NALCN: variants seen among roughly 807,000 people sequenced by gnomAD.
NALCN encodes the protein sodium leak channel, non-selective.
A neutral mutation model predicts 225.3 loss-of-function variants in NALCN; 111 were observed. The observed-to-expected ratio is 0.49, with a 90% CI of 0.42 to 0.58. NALCN has a LOEUF of 0.58. Among genes scored for constraint, NALCN ranks in the 20% least tolerant of loss-of-function variants. NALCN has a pLI of 0.00. For missense variants in NALCN, 1,378 were observed against 2,202.4 expected, an observed-to-expected ratio of 0.63 and a Z score of 7.49; for synonymous variants, 764 against 769.0, an observed-to-expected ratio of 0.99 and a Z score of 0.11.
chr13:101,058,534 A>G (rs2031542416), intron 42 of NALCN: 1 of 159,970 alleles, frequency 6.3e-6, no homozygotes, highest in African/African-American at 2.4e-5. Context: ...GCTGATAACA[A>G]TCTAAGCTAC....
At chr13:101,155,616 A>T (rs2037865632) in intron 15 of NALCN, among the ~76,000 whole-genome samples, 1 of 152,202 alleles carries the variant, frequency 6.6e-6, no homozygotes, top group African/African-American at 2.4e-5. Flanking sequence ...AGGTTTCTGC[A>T]TTATAAAGTT....
intron 15 of NALCN, among the ~76,000 whole-genome samples, chr13:101,173,167 T>C (rs2038814261): frequency 6.6e-6 from 1 of 152,206 alleles, no homozygotes; most frequent in Non-Finnish European, 1.5e-5. Context: ...CTAATGTGAA[T>C]AGTTTTAACG....
At chr13:101,064,700 C>T (rs1057298695) in intron 40 of NALCN, among the ~76,000 whole-genome samples, 2 of 152,102 alleles carry the variant, frequency 1.3e-5, no homozygotes, top group Non-Finnish European at 2.9e-5. Flanking sequence ...AGGCTAGATT[C>T]TCCCTCACAG....
chr13:101,327,737 C>T (rs2045013394), intron 7 of NALCN, among the ~76,000 whole-genome samples: 2 of 151,794 alleles, frequency 1.3e-5, no homozygotes, highest in Admixed American at 1.3e-4. Context: ...CAAATCTAGA[C>T]AAAATTAGAG....
At chr13:101,108,415 A>G (rs968282874) in intron 20 of NALCN, among the ~76,000 whole-genome samples, 1 of 152,202 alleles carries the variant, frequency 6.6e-6, no homozygotes, top group Non-Finnish European at 1.5e-5. Context: ...ATAAAAAATA[A>G]TTCAAAATAA....
At chr13:101,214,359 G>T (rs1320925301) in intron 13 of NALCN, among the ~76,000 whole-genome samples, 1 of 152,086 alleles carries the variant, frequency 6.6e-6, no homozygotes, top group Non-Finnish European at 1.5e-5. Context: ...ATGAGTTAAT[G>T]GGTGCAGCAC....
chr13:101,267,184 C>T (rs1464610875), intron 10 of NALCN, among the ~76,000 whole-genome samples: 1 of 152,182 alleles, frequency 6.6e-6, no homozygotes, highest in Non-Finnish European at 1.5e-5. Flanking sequence ...GTGAGTATAG[C>T]TTTCACTCTA....
At chr13:101,180,827 C>T (rs1028385217) in intron 14 of NALCN, 9 of 336,996 alleles carry the variant, frequency 2.7e-5, no homozygotes, top group African/African-American at 6.5e-5. Flanking sequence ...GCATCTCCCA[C>T]GGAAACACGC....
At chr13:101,128,841 G>T (rs192937302) in intron 17 of NALCN, among the ~76,000 whole-genome samples, 1 of 151,166 alleles carries the variant, frequency 6.6e-6, no homozygotes, top group African/African-American at 2.5e-5. Flanking sequence ...GGGATTGTAG[G>T]AGTAAGCCAC....
rs1251141878 is a variant in NALCN, at chr13:101,399,085, T to C, written c.42A>G (p.Pro14=). The change falls in exon 2 of 44, where the codon CCA becomes CCG. Residue 14 remains proline, a synonymous_variant. Transcript: ENST00000251127. Reference sequence around the variant, plus strand: ...ACTCATCAGGACCAAAGTCAGTGACTGGCTGGGCTTCCACCCTGGAACTCT... The same window carrying C: ...ACTCATCAGGACCAAAGTCAGTGACCGGCTGGGCTTCCACCCTGGAACTCT... The part of the protein sequence containing the change: ...RKQSSRVEAQ[P]VTDFGPDESL... 3 of 1,613,654 alleles carry C rather than the reference T, an allele frequency of 1.9e-6. No homozygotes were observed. The highest frequency in any genetic ancestry group is 2.2e-5 in the East Asian group (1 of 44,872).
At chr13:101,062,936 C>T (rs1157713258) in intron 40 of NALCN, among the ~76,000 whole-genome samples, 1 of 152,162 alleles carries the variant, frequency 6.6e-6, no homozygotes, top group African/African-American at 2.4e-5. Flanking sequence ...CCAAACAAAC[C>T]CAGGGTTGAA....
intron 7 of NALCN, among the ~76,000 whole-genome samples, chr13:101,337,861 C>T (rs61973682): frequency 6.6e-6 from 1 of 152,150 alleles, no homozygotes; most frequent in East Asian, 1.9e-4. Context: ...CACGGGGCAG[C>T]AAGACATGGC....
At chr13:101,130,219 CA>C (rs60073954) in intron 17 of NALCN, among the ~76,000 whole-genome samples, 41,934 of 151,996 alleles carry the variant, frequency 0.28, 7,224 homozygotes, top group African/African-American at 0.48. Context: ...TAGATTGTCT[CA>C]ACAGTGACTC....
intron 14 of NALCN, 85 bp from the exon 15 acceptor site, chr13:101,176,459 T>C (rs2038963035): frequency 1.1e-6 from 1 of 888,942 alleles, no homozygotes; most frequent in Non-Finnish European, 1.6e-6. Flanking sequence ...ACCTAAAATA[T>C]ATTGAGTATA....
intron 14 of NALCN, chr13:101,180,952 C>T (rs568164696): frequency 4.5e-5 from 19 of 424,296 alleles, no homozygotes; most frequent in East Asian, 4.0e-4. Flanking sequence ...ATGGGAAGGG[C>T]GGCCACGCAA....
chr13:101,314,239 T>C lies in NALCN; in HGVS notation c.800-21873A>G, dbSNP rs558829710. On this transcript the variant is annotated intron_variant, in intron 7 of 43. Transcript: ENST00000251127. Reference sequence around the variant, plus strand: ...TGACGAGTTAATGGGTGCAGCACACTAACATGGCACATGTATACATATGTA... The same window carrying C: ...TGACGAGTTAATGGGTGCAGCACACCAACATGGCACATGTATACATATGTA... 1.1e-4 allele frequency among the ~76,000 whole-genome samples: 16 copies of C among 151,680 alleles called. No individual in the cohort carries two copies. The East Asian group carries it at 3.1e-3, about 30-fold the overall frequency.
chr13:101,303,777 GC>G (rs1289307265), intron 7 of NALCN, among the ~76,000 whole-genome samples: 1 of 152,160 alleles, frequency 6.6e-6, no homozygotes, highest in Admixed American at 6.5e-5. Context: ...CCAGGCCAGA[GC>G]TCATTTGGCC....
At position 101,165,934 on chromosome 13, in the gene NALCN, T is replaced by C. The variant is rs141684444; in HGVS notation, c.1839+10366A>G. Among the ~76,000 whole-genome samples the C allele has an allele frequency of 2.9e-3, 449 of 152,358 alleles. 4 individuals are homozygous for C. Among genetic ancestry groups the C allele is most frequent in the African/African-American group, 9.7e-3 (404 of 41,578 alleles). ...CCTCCCTAGCCCCTGGCAACTCTCA[T>C]TCTGTCTTCTGTTTCTCTGAATTTG... On this transcript the variant is annotated intron_variant, in intron 15 of 43. Transcript: ENST00000251127.
intron 3 of NALCN, among the ~76,000 whole-genome samples, chr13:101,392,504 A>G (rs1372246734): frequency 6.6e-6 from 1 of 152,204 alleles, no homozygotes; most frequent in East Asian, 1.9e-4. Flanking sequence ...TATTCACTTA[A>G]TCCAATAATG....
Sources: allele counts gnomAD v4.1 joint callset (sites outside exome capture counted in the v4.1 genomes callset), GRCh38; gene constraint gnomAD v4.1.1; transcripts MANE v1.5; gene names NCBI Gene and HGNC (gene_info 2026-07-23, HGNC 2026-07-21).